GDPD5: variants seen among roughly 807,000 people sequenced by gnomAD.
The protein encoded by GDPD5 is glycerophosphodiester phosphodiesterase domain containing 5.
In GDPD5, 48 loss-of-function variants were observed where a neutral mutation model predicts 75.1. The observed-to-expected ratio is 0.64, with a 90% CI of 0.51 to 0.81. The LOEUF is 0.81. GDPD5 is among the 40% of genes least tolerant of loss of function. The pLI, the probability that GDPD5 is intolerant of heterozygous loss-of-function variation, is 0.00. For synonymous variants in GDPD5, 336 were observed against 339.0 expected (o/e 0.99, Z 0.10); for missense variants, 706 against 822.6 (o/e 0.86, Z 1.73).
chr11:75,462,741 C>T, intron 4 of GDPD5, 45 bp downstream of exon 4: 1 of 1,475,848 alleles, frequency 6.8e-7, no homozygotes. Context: ...CTACTGGATA[C>T]CCAGCTCTGG....
chr11:75,482,373 C>A (rs1949937344), intron 2 of GDPD5, among the ~76,000 whole-genome samples: 1 of 152,154 alleles, frequency 6.6e-6, no homozygotes, highest in African/African-American at 2.4e-5. Context: ...ACTCTCACGG[C>A]TTTAGTTACC....
rs920883934 is a variant in GDPD5 at position 75,437,062 on chromosome 11, C to G, written c.1557-14G>C. 1.3e-6 allele frequency: 2 copies of G among 1,597,156 alleles called. No homozygotes were observed. Among genetic ancestry groups the G allele is most frequent in the Admixed American group, 1.7e-5 (1 of 59,914 alleles). On this transcript the variant is annotated splice_polypyrimidine_tract_variant and intron_variant, in intron 15 of 16. Transcript: ENST00000336898. The stretch of plus-strand genomic sequence containing the variant: ...CCCAGGCGCCACCTGCAGAGATGGC[C>G]CCGTGGGCATCAGGTCTCTCCTCAG...
Position 75,435,158 on chromosome 11 carries a change from C to T in GDPD5, c.*349G>A, listed in dbSNP as rs145614431. On this transcript the variant is annotated 3_prime_UTR_variant, in exon 17 of 17. Transcript: ENST00000336898. ...GACAGATGGCACAGGTGAGCATCCA[C>T]ACACTCCATTGCCACAGGGGGTATG... 4.1e-3 allele frequency: 786 copies of T among 190,140 alleles called. 3 individuals carry two copies. The highest frequency in any genetic ancestry group is 4.9e-3 in the South Asian group (27 of 5,506). 11.8% of individuals were successfully genotyped at this position (190,140 alleles called of 1,614,324 possible). A position where few individuals can be genotyped will look rare whatever the true frequency, so the allele number is the denominator to read the frequency against.
chr11:75,449,727 G>A (rs1487588692), intron 7 of GDPD5, 117 bp from the exon 8 acceptor site: 6 of 1,270,808 alleles, frequency 4.7e-6, no homozygotes, highest in Admixed American at 1.9e-5. Context: ...CTGCCAACTG[G>A]GGACACTGGG....
At chr11:75,496,779 C>CTTTCTTTTTTTTTTTTTTT (rs58663409) in intron 1 of GDPD5, among the ~76,000 whole-genome samples, 25 of 103,114 alleles carry the variant, frequency 2.4e-4, no homozygotes, top group East Asian at 1.0e-3. Flanking sequence ...TTCTTTCTTT[C>CTTTCTTTTTTTTTTTTTTT]TTTTTTTTTT....
intron 1 of GDPD5, among the ~76,000 whole-genome samples, chr11:75,512,643 T>C (rs1950549109): frequency 6.6e-6 from 1 of 152,200 alleles, no homozygotes; most frequent in African/African-American, 2.4e-5. Context: ...GAGCTGGGTG[T>C]GGTGGCTCAC....
At chr11:75,464,662 G>A (rs193254999) in intron 3 of GDPD5, among the ~76,000 whole-genome samples, 4 of 152,300 alleles carry the variant, frequency 2.6e-5, no homozygotes, top group Admixed American at 2.6e-4. Context: ...ACGACACCCT[G>A]AGGCCCAGTA....
At chr11:75,441,031 C>T in intron 14 of GDPD5, 132 bp downstream of exon 14, 2 of 879,866 alleles carry the variant, frequency 2.3e-6, no homozygotes, top group Middle Eastern at 3.5e-4. Context: ...AGCCTGCACG[C>T]CCACCATGGA....
chr11:75,488,002 C>T (rs1442206008), intron 2 of GDPD5, among the ~76,000 whole-genome samples: 4 of 152,188 alleles, frequency 2.6e-5, no homozygotes, highest in African/African-American at 9.7e-5. Context: ...ACATCAGCAC[C>T]AAAGTCCTGG....
intron 2 of GDPD5, among the ~76,000 whole-genome samples, chr11:75,484,772 G>A (rs371770131): frequency 3.3e-5 from 5 of 152,132 alleles, no homozygotes; most frequent in African/African-American, 1.2e-4. Flanking sequence ...ACATATGTAC[G>A]GTGTGAGTAC....
At chr11:75,511,849 T>C (rs1221805903) in intron 1 of GDPD5, among the ~76,000 whole-genome samples, 1 of 152,238 alleles carries the variant, frequency 6.6e-6, no homozygotes, top group Non-Finnish European at 1.5e-5. Context: ...TGTGACTTTG[T>C]GCTCACTGCT....
At chr11:75,465,893 A>T (rs1207968808) in intron 3 of GDPD5, among the ~76,000 whole-genome samples, 1 of 152,186 alleles carries the variant, frequency 6.6e-6, no homozygotes, top group African/African-American at 2.4e-5. Context: ...TGGGAAGACG[A>T]CCTGTGACCG....
chr11:75,511,945 T>C (rs1185839578), intron 1 of GDPD5, among the ~76,000 whole-genome samples: 1 of 152,164 alleles, frequency 6.6e-6, no homozygotes, highest in Non-Finnish European at 1.5e-5. Flanking sequence ...AGGGCTGTTG[T>C]GAAGATTGAG....
intron 6 of GDPD5, among the ~76,000 whole-genome samples, chr11:75,456,220 G>T (rs997653112): frequency 6.6e-6 from 1 of 152,222 alleles, no homozygotes; most frequent in Non-Finnish European, 1.5e-5. Context: ...GATGGGTTGG[G>T]AGATCAGCAG....
At chr11:75,454,686 G>A (rs1187673761) in intron 6 of GDPD5, among the ~76,000 whole-genome samples, 1 of 152,234 alleles carries the variant, frequency 6.6e-6, no homozygotes, top group East Asian at 1.9e-4. Context: ...CTGTTAAGGT[G>A]CGGAACAGAG....
At chr11:75,499,914 C>T (rs1020301406) in intron 1 of GDPD5, among the ~76,000 whole-genome samples, 6 of 152,220 alleles carry the variant, frequency 3.9e-5, no homozygotes, top group African/African-American at 7.2e-5. Flanking sequence ...ACCTGGTTTA[C>T]GAGGATGCTC....
intron 1 of GDPD5, among the ~76,000 whole-genome samples, chr11:75,501,561 T>A (rs971386105): frequency 2.0e-5 from 3 of 152,170 alleles, no homozygotes; most frequent in Non-Finnish European, 4.4e-5. Context: ...AGCCTTTGGC[T>A]GGGCCAGGGC....
chr11:75,523,923 T>C (rs1304234431), intron 1 of GDPD5, among the ~76,000 whole-genome samples: 5 of 152,146 alleles, frequency 3.3e-5, no homozygotes, highest in East Asian at 3.9e-4. Context: ...CTCCAGGGAG[T>C]TGGGCATCTC....
chr11:75,490,871 C>T (rs1011665074), intron 1 of GDPD5: 1 of 152,520 alleles, frequency 6.6e-6, no homozygotes. Context: ...GGCAACCCCC[C>T]ACCCAGGAAT....
Sources: gnomAD v4.1 joint callset for allele counts (sites outside exome capture counted in the v4.1 genomes callset) on GRCh38, gnomAD v4.1.1 for gene constraint, MANE v1.5 for transcripts, NCBI Gene and HGNC (gene_info 2026-07-23, HGNC 2026-07-21) for gene names.